The following HEATR5A variants were observed in gnomAD, a reference collection of about 807,000 sequenced individuals.
The protein encoded by HEATR5A is HEAT repeat-containing protein 5A.
Under a neutral mutation model 218.8 loss-of-function variants are expected in HEATR5A, and 178 were observed. The observed-to-expected ratio is 0.81, with a 90% confidence interval of 0.72 to 0.92. HEATR5A has a LOEUF of 0.92. Among genes scored for constraint, HEATR5A ranks in the 40% least tolerant of loss-of-function variants. The pLI is 0.00. For synonymous variants in HEATR5A, 864 were observed against 871.6 expected, an observed-to-expected ratio of 0.99 and a Z score of 0.15; for missense variants, 2,420 against 2,418.9, an observed-to-expected ratio of 1.00 and a Z score of -0.01.
intron 1 of HEATR5A, among the ~76,000 whole-genome samples, chr14:31,411,661 G>A (rs970259930): frequency 1.3e-5 from 2 of 152,032 alleles, no homozygotes; most frequent in Non-Finnish European, 2.9e-5. Flanking sequence ...CTGCCAAGAG[G>A]GTGTGCAGAT....
rs1754881051 is a variant in HEATR5A at position 31,337,661 on chromosome 14, C to A, written c.3229-47G>T. 1.9e-6 allele frequency: 3 copies of A among 1,557,462 alleles called. No homozygotes were observed. The South Asian group carries it at 3.5e-5, about 18-fold the overall frequency. ...ACGACAGAGCTAAAATTCTTGTTGG[C>A]ACTCAGTGAGTCTAATAGATATTCA... is the stretch of plus-strand genomic sequence containing the variant. On this transcript the variant is annotated intron_variant, in intron 21 of 35. Coordinates refer to ENST00000543095, the MANE Select transcript of HEATR5A (RefSeq NM_015473.4).
chr14:31,315,141 C>A (rs771186542), intron 27 of HEATR5A, among the ~76,000 whole-genome samples: 38 of 152,018 alleles, frequency 2.5e-4, no homozygotes, highest in Non-Finnish European at 5.0e-4. Flanking sequence ...CCATTTGTAC[C>A]CCAGCCTCGT....
At chr14:31,414,078 A>G (rs2139328094) in intron 1 of HEATR5A, among the ~76,000 whole-genome samples, 2 of 152,340 alleles carry the variant, frequency 1.3e-5, no homozygotes, top group African/African-American at 4.8e-5. Flanking sequence ...GTCTTTGGCT[A>G]TTCTTGACTA....
chr14:31,333,384 G>A (rs1900542835), intron 22 of HEATR5A, among the ~76,000 whole-genome samples: 1 of 151,960 alleles, frequency 6.6e-6, no homozygotes, highest in Non-Finnish European at 1.5e-5. Flanking sequence ...GAGTAGCTGG[G>A]ATTACAGGCA....
At chr14:31,348,444 G>A (rs935724112) in intron 18 of HEATR5A, among the ~76,000 whole-genome samples, 5 of 152,022 alleles carry the variant, frequency 3.3e-5, no homozygotes, top group Non-Finnish European at 5.9e-5. Context: ...TTAACTGGGC[G>A]TAGTGTCACA....
chr14:31,326,999 G>C (rs1900290420), intron 22 of HEATR5A, among the ~76,000 whole-genome samples: 1 of 150,320 alleles, frequency 6.7e-6, no homozygotes, highest in Admixed American at 6.6e-5. Flanking sequence ...TTTTGAGACA[G>C]AGTCTCACTC....
intron 7 of HEATR5A, among the ~76,000 whole-genome samples, chr14:31,387,749 A>G (rs1260222796): frequency 1.3e-5 from 2 of 152,086 alleles, no homozygotes; most frequent in African/African-American, 2.4e-5. Context: ...TTTAGTAGAG[A>G]CGGGGTTTCA....
chr14:31,388,739 G>T, intron 7 of HEATR5A, 106 bp downstream of exon 7: 1 of 815,196 alleles, frequency 1.2e-6, no homozygotes, highest in Non-Finnish European at 2.0e-6. Flanking sequence ...AGATATGAGA[G>T]CATAAGTGTT....
chr14:31,312,872 T>C (rs2139150402), intron 28 of HEATR5A, 96 bp downstream of exon 28: 1 of 1,052,172 alleles, frequency 9.5e-7, no homozygotes, highest in Non-Finnish European at 1.4e-6. Context: ...CACTCCAGCC[T>C]GGGAAACAAA....
intron 24 of HEATR5A, 84 bp from the exon 25 acceptor site, chr14:31,321,764 G>T (rs1199905149): frequency 9.3e-7 from 1 of 1,076,842 alleles, no homozygotes; most frequent in Non-Finnish European, 1.3e-6. Context: ...TACATTAAGT[G>T]ATAATTTTTC....
At chr14:31,339,810 A>AT (rs1341349148) in intron 21 of HEATR5A, among the ~76,000 whole-genome samples, 1 of 152,190 alleles carries the variant, frequency 6.6e-6, no homozygotes, top group Non-Finnish European at 1.5e-5. Flanking sequence ...ATATAAAAAG[A>AT]TTATGTTTAC....
At position 31,302,504 on chromosome 14, in the gene HEATR5A, A is replaced by G; in HGVS notation, c.5255T>C (p.Leu1752Pro). 6.3e-7 allele frequency: 1 copy of G among 1,575,354 alleles called. No individual in the cohort carries two copies. Among genetic ancestry groups the G allele is most frequent in the South Asian group, 1.2e-5 (1 of 86,006 alleles). Residue 1752 changes from leucine to proline, a missense_variant, in exon 33 of 36, where the codon CTC becomes CCC. Coordinates refer to ENST00000543095, the MANE Select transcript of HEATR5A (RefSeq NM_015473.4). ...GATTGTGAGGTACAATATAGTAGGG[A>G]GAATTGAGATGCTTCCTGTAAGATA... is the stretch of plus-strand genomic sequence containing the variant. The part of the protein sequence containing the change: ...VCSPEGSISI[L>P]PTILYLTIGV...
chr14:31,388,409 T>C (rs919641196), intron 7 of HEATR5A, among the ~76,000 whole-genome samples: 2 of 152,214 alleles, frequency 1.3e-5, no homozygotes, highest in African/African-American at 2.4e-5. Context: ...GGATGAAAAA[T>C]TTAAGCACTG....
At position 31,400,391 on chromosome 14, in the gene HEATR5A, C is replaced by T. The variant is rs896755272; in HGVS notation, c.248G>A (p.Gly83Glu). 6.5e-6 allele frequency: 10 copies of T among 1,535,584 alleles called. No individual in the cohort carries two copies. Among genetic ancestry groups the T allele is most frequent in the Non-Finnish European group, 8.7e-6 (10 of 1,146,650 alleles). Residue 83 changes from glycine to glutamate, a missense_variant, in exon 3 of 36, where the codon GGA becomes GAA. Transcript: ENST00000543095. ...TGCTTCATGAACGGAGAATGTGTCT[C>T]CAATACTATAAAGTATGGCTAGATT... is the stretch of plus-strand genomic sequence containing the variant. ...AKNLAILYSI[G>E]DTFSVHEAID...
At chr14:31,330,340 G>A (rs1423945903) in intron 22 of HEATR5A, among the ~76,000 whole-genome samples, 1 of 152,150 alleles carries the variant, frequency 6.6e-6, no homozygotes, top group Non-Finnish European at 1.5e-5. Context: ...TGGAACAGCT[G>A]GAACACAAGG....
At chr14:31,315,067 G>C (rs1899872448) in intron 27 of HEATR5A, among the ~76,000 whole-genome samples, 2 of 152,114 alleles carry the variant, frequency 1.3e-5, no homozygotes, top group Non-Finnish European at 2.9e-5. Flanking sequence ...CAGCTACTTG[G>C]GAGGTTGAGA....
At chr14:31,388,654 A>G (rs1348746046) in intron 7 of HEATR5A, among the ~76,000 whole-genome samples, 191 bp downstream of exon 7, 2 of 152,214 alleles carry the variant, frequency 1.3e-5, no homozygotes, top group South Asian at 2.1e-4. Flanking sequence ...AAAACACATT[A>G]TAGGTAATAA....
intron 16 of HEATR5A, among the ~76,000 whole-genome samples, chr14:31,354,438 C>A (rs1306205902): frequency 6.6e-6 from 1 of 152,128 alleles, no homozygotes; most frequent in Non-Finnish European, 1.5e-5. Flanking sequence ...TTCTGCCCCC[C>A]AATCCTGAAA....
At chr14:31,382,220 G>C (rs1311019986) in intron 10 of HEATR5A, among the ~76,000 whole-genome samples, 1 of 152,188 alleles carries the variant, frequency 6.6e-6, no homozygotes, top group Non-Finnish European at 1.5e-5. Context: ...TGCTTAGCAA[G>C]ATGTGATGTG....
Sources: gnomAD v4.1 joint callset for allele counts (sites outside exome capture counted in the v4.1 genomes callset) on GRCh38, gnomAD v4.1.1 for gene constraint, MANE v1.5 for transcripts, NCBI Gene and HGNC (gene_info 2026-07-23, HGNC 2026-07-21) for gene names.